RGS12: variants seen among roughly 807,000 people sequenced by gnomAD.
RGS12 encodes regulator of G-protein signaling 12.
A neutral mutation model predicts 120.1 loss-of-function variants in RGS12; 66 were observed. The ratio of observed to expected loss-of-function variants is 0.55; its 90% confidence interval spans 0.45 to 0.67. The LOEUF (loss-of-function observed/expected upper bound fraction) is 0.67. Ranked by LOEUF, RGS12 falls within the 30% of genes least tolerant of loss-of-function variation. The pLI is 0.00. For missense variants in RGS12, 1,859 were observed against 1,957.7 expected, an observed-to-expected ratio of 0.95 and a Z score of 0.95; for synonymous variants, 827 against 804.7, an observed-to-expected ratio of 1.03 and a Z score of -0.47.
chr4:3,424,977 G>C (rs1723455582), intron 13 of RGS12, among the ~76,000 whole-genome samples: 1 of 152,222 alleles, frequency 6.6e-6, no homozygotes, highest in African/African-American at 2.4e-5. Context: ...TCTTAACAGT[G>C]ACTATGGCAG....
rs756319302 is a variant in RGS12 at position 3,317,400 on chromosome 4, C to T, written c.1230C>T (p.Ala410=). The T allele has an allele frequency of 1.6e-5, 26 of 1,613,936 alleles. No individual in the cohort carries two copies. The East Asian group carries it at 3.3e-4, about 21-fold the overall frequency. The change falls in exon 2 of 18, where the codon GCC becomes GCT. Residue 410 remains alanine (A), a synonymous_variant. Transcript: ENST00000336727. ...MRARAFLDGD[A]DAHQNNSTSS... is the part of the protein sequence containing the mutation. ...CCCGCGCCTTTCTGGACGGGGACGC[C>T]GATGCCCACCAGAACAACAGCACCA...
intron 17 of RGS12, chr4:3,432,048 G>A (rs1724358252): frequency 1.1e-5 from 11 of 985,254 alleles, no homozygotes; most frequent in Non-Finnish European, 1.2e-5. Context: ...ATGCCCACCG[G>A]TGCCACTCTG....
In RGS12 at chr4:3,317,786, C is replaced by T. The variant is rs760422329; in HGVS notation, c.1616C>T (p.Pro539Leu). Residue 539 changes from proline to leucine, a missense_variant, in exon 2 of 18, where the codon CCG (proline) becomes CTG (leucine). Transcript: ENST00000336727. ...AGCGFNQRWL[P>L]VHVLREWQCG... is the part of the protein sequence containing the mutation. ...TGTGGTTTCAACCAGCGCTGGCTCC[C>T]GGTCCACGTGCTCCGGGAGTGGCAG... The T allele has an allele frequency of 4.3e-6, 7 of 1,613,306 alleles. No individual in the cohort carries two copies. Among genetic ancestry groups the T allele is most frequent in the East Asian group, 2.2e-5 (1 of 44,884 alleles).
intron 4 of RGS12, among the ~76,000 whole-genome samples, chr4:3,401,120 C>T (rs1260034479): frequency 1.3e-5 from 2 of 152,182 alleles, no homozygotes; most frequent in East Asian, 3.8e-4. Context: ...ACCCTGGCGG[C>T]TTTCCTAAGC....
Position 3,439,805 on chromosome 4 carries a change from CA to C in RGS12, c.*122del. 17 of 965,054 alleles carry C rather than the reference CA, an allele frequency of 1.8e-5. 1 individual carries two copies. The South Asian group carries it at 3.1e-4, about 18-fold the overall frequency. 59.8% of individuals were successfully genotyped at this position (965,054 alleles called of 1,614,324 possible). A position where few individuals can be genotyped will look rare whatever the true frequency, so the allele number is the denominator to read the frequency against. On this transcript the variant is annotated 3_prime_UTR_variant, in exon 18 of 18. Coordinates refer to ENST00000336727, the MANE Select transcript of RGS12 (RefSeq NM_001394154.1). ...ACCCTCAGGAGCCCAGCCAGGAGGG[CA>C]GGGGGTGACCTCGCTGGAGGCACTG...
At chr4:3,395,202 C>A (rs1216490447) in intron 4 of RGS12, among the ~76,000 whole-genome samples, 1 of 148,078 alleles carries the variant, frequency 6.8e-6, no homozygotes. Flanking sequence ...GAGTGAGAGT[C>A]CATCTAAAAA....
chr4:3,340,534 C>A (rs1032170688), intron 2 of RGS12, among the ~76,000 whole-genome samples: 1 of 152,220 alleles, frequency 6.6e-6, no homozygotes, highest in African/African-American at 2.4e-5. Context: ...GGACGCCAGC[C>A]TAAGCAGGAG....
chr4:3,347,269 C>A (rs1211116713), intron 3 of RGS12, among the ~76,000 whole-genome samples: 4 of 151,944 alleles, frequency 2.6e-5, no homozygotes, highest in Admixed American at 6.6e-5. Flanking sequence ...GTGGTGAGAC[C>A]CCGTCTCTAC....
At position 3,422,449 on chromosome 4, in the gene RGS12, G is replaced by C; in HGVS notation, c.2912G>C (p.Gly971Ala). 6.2e-7 allele frequency: 1 copy of C among 1,613,146 alleles called. No homozygotes were observed. Among genetic ancestry groups the C allele is most frequent in the South Asian group, 1.1e-5 (1 of 91,080 alleles). Residue 971 changes from glycine (G) to alanine (A), a missense_variant, in exon 11 of 18, where the codon GGG (glycine) becomes GCG (alanine). Physicochemically the swap from Gly to Ala is moderately conservative, Grantham distance 60 (BLOSUM62 0). Coordinates refer to ENST00000336727, the MANE Select transcript of RGS12 (RefSeq NM_001394154.1). ...TKHCCIHLPD[G>A]TSCVVAVKAG... ...CACTGCTGCATTCATCTCCCGGATG[G>C]GACATCCTGCGTGGTGGCTGTCAAG...
At chr4:3,386,274 C>G in intron 3 of RGS12, 142 bp from the exon 4 acceptor site, 1 of 780,066 alleles carries the variant, frequency 1.3e-6, no homozygotes, top group South Asian at 1.5e-5. Flanking sequence ...GGCCGTCTGG[C>G]TTTCCCGGGA....
chr4:3,396,663 G>A (rs12648723), intron 4 of RGS12, among the ~76,000 whole-genome samples: 53,010 of 151,954 alleles, frequency 0.35, 9,499 homozygotes, highest in South Asian at 0.51. Context: ...CGTAATTCTC[G>A]TCCCTGGCAT....
chr4:3,367,289 C>G (rs1354430842), intron 3 of RGS12, among the ~76,000 whole-genome samples: 2 of 152,268 alleles, frequency 1.3e-5, no homozygotes, highest in African/African-American at 4.8e-5. Flanking sequence ...CGTTGGAGGG[C>G]TGAGAACGGC....
At chr4:3,388,241 G>T (rs1001251625) in intron 4 of RGS12, among the ~76,000 whole-genome samples, 1 of 19,104 alleles carries the variant, frequency 5.2e-5, no homozygotes, top group South Asian at 2.2e-3. Context: ...AGGAGGAGAC[G>T]GGAGGGAGGA....
intron 3 of RGS12, among the ~76,000 whole-genome samples, chr4:3,373,292 C>A (rs1169767838): frequency 6.6e-6 from 1 of 152,216 alleles, no homozygotes; most frequent in Non-Finnish European, 1.5e-5. Flanking sequence ...GCTCCAGGGT[C>A]CCCCGACAGA....
chr4:3,327,300 G>A (rs1312596201), intron 2 of RGS12, among the ~76,000 whole-genome samples: 4 of 152,080 alleles, frequency 2.6e-5, no homozygotes, highest in Admixed American at 2.0e-4. Flanking sequence ...AACTCAAGCT[G>A]GATTAAAGAC....
chr4:3,371,586 G>T (rs1348419285), intron 3 of RGS12, among the ~76,000 whole-genome samples: 1 of 152,112 alleles, frequency 6.6e-6, no homozygotes, highest in Non-Finnish European at 1.5e-5. Flanking sequence ...AGTTGTTCAC[G>T]GGAGTGTATT....
chr4:3,328,530 C>T (rs1206788071), intron 2 of RGS12, among the ~76,000 whole-genome samples: 1 of 152,220 alleles, frequency 6.6e-6, no homozygotes, highest in Non-Finnish European at 1.5e-5. Context: ...TCACCAGGTG[C>T]AGTCCCTTGA....
In RGS12 at chr4:3,317,260, A is replaced by G. The variant is rs758872019; in HGVS notation, c.1090A>G (p.Thr364Ala). Reference sequence around the variant, plus strand: ...TGCTCGGCGGTTTGGGTTTGAGTGCACGGCCGACCCAGACACCAATGGCTG... The same window carrying G: ...TGCTCGGCGGTTTGGGTTTGAGTGCGCGGCCGACCCAGACACCAATGGCTG... The part of the protein sequence containing the change: ...GIARRFGFEC[T>A]ADPDTNGCLE... Residue 364 changes from threonine (T) to alanine (A), a missense_variant, in exon 2 of 18, where the codon ACG (threonine) becomes GCG (alanine). Around this residue, in one of 3 missense-constraint regions of RGS12, gnomAD observed 967 missense variants for 994.2 expected, o/e 0.97. Coordinates refer to ENST00000336727, the MANE Select transcript of RGS12 (RefSeq NM_001394154.1). The G allele has an allele frequency of 6.2e-7, 1 of 1,614,104 alleles. No homozygotes were observed. Among genetic ancestry groups the G allele is most frequent in the Non-Finnish European group, 8.5e-7 (1 of 1,180,040 alleles).
rs575118418 is a variant in RGS12, at chr4:3,369,988, C to T, written c.1999-16428C>T. On this transcript the variant is annotated intron_variant, in intron 3 of 17. Transcript: ENST00000336727. ...TGACTGAGAAATTACCCCTGTCGGC[C>T]GAAGTTTTATTCTTCTGATTTGGTA... The T allele has an allele frequency of 4.1e-6, 5 of 1,214,932 alleles. No individual in the cohort carries two copies. In the African/African-American group the frequency reaches 6.2e-5, roughly 15 times the overall value. The allele number at this position is 1,214,932 out of a possible 1,614,324, so 75.3% of individuals were successfully genotyped here.
Sources: gnomAD v4.1 joint callset for allele counts (sites outside exome capture counted in the v4.1 genomes callset) on GRCh38, gnomAD v4.1.1 for gene constraint, gnomAD v4.1.1 regional missense constraint, MANE v1.5 for transcripts, NCBI Gene and HGNC (gene_info 2026-07-23, HGNC 2026-07-21) for gene names.